Variants in ATRNL1 observed in about 807,000 individuals in gnomAD.
ATRNL1 encodes the protein attractin like 1.
ATRNL1 carries 95 observed loss-of-function variants against 182.7 expected under a neutral mutation model. The ratio of observed to expected loss-of-function variants is 0.52; its 90% CI spans 0.44 to 0.62. ATRNL1 has a LOEUF of 0.62. Ranked by LOEUF, ATRNL1 falls within the 20% of genes least tolerant of loss-of-function variation. ATRNL1 has a pLI of 0.00. For missense variants in ATRNL1, 1,471 were observed against 1,679.5 expected, an observed-to-expected ratio of 0.88 and a Z score of 2.17; for synonymous variants, 576 against 568.3, an observed-to-expected ratio of 1.01 and a Z score of -0.19.
chr10:115,156,512 A>T (rs1846525144), intron 5 of ATRNL1, among the ~76,000 whole-genome samples: 1 of 152,186 alleles, frequency 6.6e-6, no homozygotes, highest in Admixed American at 6.6e-5. Context: ...TTTGGGATAT[A>T]TCAGAGCACA....
intron 27 of ATRNL1, among the ~76,000 whole-genome samples, chr10:115,822,863 C>T (rs1228609406): frequency 6.6e-6 from 1 of 152,108 alleles, no homozygotes; most frequent in Non-Finnish European, 1.5e-5. Context: ...CAAAAAGGAG[C>T]TGGTACCATT....
At chr10:115,784,882 T>C (rs1555080070) in intron 27 of ATRNL1, among the ~76,000 whole-genome samples, 1 of 152,180 alleles carries the variant, frequency 6.6e-6, no homozygotes, top group East Asian at 1.9e-4. Flanking sequence ...ACATTTTGGG[T>C]GGACATGAAT....
chr10:115,306,813 A>G (rs540997453), intron 17 of ATRNL1, among the ~76,000 whole-genome samples: 1 of 152,216 alleles, frequency 6.6e-6, no homozygotes, highest in South Asian at 2.1e-4. Context: ...TTTATTTGAA[A>G]TAAGTTTTTT....
rs115522651 is a variant in ATRNL1 at position 115,302,034 on chromosome 10, A to G, written c.2809A>G (p.Thr937Ala). ...ACAATGTCTAGAGTGGCAAACTGCC[A>G]CCTGCTCCCGTAAGTATTTATCTAG... ...YGQCLEWQTATCSPQNCSGLR... is the reference protein window; with the variant it reads ...YGQCLEWQTAACSPQNCSGLR... The change falls in exon 17 of 29, where the codon ACC becomes GCC. Residue 937 changes from threonine to alanine, a missense_variant. By Grantham distance (58) the Thr-to-Ala change is moderately conservative. Coordinates refer to ENST00000355044, the MANE Select transcript of ATRNL1 (RefSeq NM_207303.4). 3.7e-6 allele frequency: 6 copies of G among 1,612,180 alleles called. No homozygotes were observed. Among genetic ancestry groups the G allele is most frequent in the Non-Finnish European group, 4.2e-6 (5 of 1,179,152 alleles).
At chr10:115,183,197 T>C (rs1476203022) in intron 8 of ATRNL1, among the ~76,000 whole-genome samples, 1 of 151,358 alleles carries the variant, frequency 6.6e-6, no homozygotes, top group Admixed American at 6.6e-5. Context: ...GCAACACATA[T>C]AAAGATTTAT....
intron 19 of ATRNL1, among the ~76,000 whole-genome samples, chr10:115,360,856 A>G (rs1856712438): frequency 6.6e-6 from 1 of 151,812 alleles, no homozygotes; most frequent in South Asian, 2.1e-4. Context: ...ATTTTTGTGT[A>G]TGGATAGAAT....
intron 28 of ATRNL1, among the ~76,000 whole-genome samples, chr10:115,904,833 G>T (rs930212713): frequency 4.6e-5 from 7 of 152,184 alleles, no homozygotes. Flanking sequence ...TCTGCAATCA[G>T]ATTCTCTTAT....
At chr10:115,156,946 G>A (rs535374974) in intron 5 of ATRNL1, among the ~76,000 whole-genome samples, 2 of 152,214 alleles carry the variant, frequency 1.3e-5, no homozygotes, top group African/African-American at 2.4e-5. Flanking sequence ...GGTTACCAGA[G>A]GCTGGGAAAG....
intron 26 of ATRNL1, among the ~76,000 whole-genome samples, chr10:115,570,087 G>T (rs1031926774): frequency 2.6e-5 from 4 of 152,126 alleles, no homozygotes; most frequent in African/African-American, 9.7e-5. Context: ...TCAGCCTCCT[G>T]AGTAGCTGGG....
intron 27 of ATRNL1, among the ~76,000 whole-genome samples, chr10:115,829,775 G>T (rs1013832483): frequency 2.2e-4 from 34 of 152,054 alleles, no homozygotes; most frequent in African/African-American, 8.0e-4. Flanking sequence ...ACACTAGATG[G>T]CCCTAGAAGA....
chr10:115,302,312 A>G (rs1210355119), intron 17 of ATRNL1, among the ~76,000 whole-genome samples: 2 of 152,208 alleles, frequency 1.3e-5, no homozygotes, highest in African/African-American at 4.8e-5. Flanking sequence ...TGCAGACAGT[A>G]TAACACTTCA....
intron 1 of ATRNL1, among the ~76,000 whole-genome samples, chr10:115,116,341 T>C (rs539343913): frequency 2.0e-5 from 3 of 152,224 alleles, no homozygotes; most frequent in African/African-American, 4.8e-5. Flanking sequence ...ATAGTAGTTA[T>C]GTAAGAGCCT....
At chr10:115,379,542 A>G (rs1248673602) in intron 19 of ATRNL1, among the ~76,000 whole-genome samples, 1 of 152,224 alleles carries the variant, frequency 6.6e-6, no homozygotes, top group Admixed American at 6.5e-5. Flanking sequence ...TTAAGATATT[A>G]ATATACATCG....
At chr10:115,548,728 G>C (rs1401780713) in intron 25 of ATRNL1, among the ~76,000 whole-genome samples, 2 of 152,166 alleles carry the variant, frequency 1.3e-5, no homozygotes, top group African/African-American at 4.8e-5. Context: ...TATGAACATT[G>C]TAACTGACTT....
intron 21 of ATRNL1, among the ~76,000 whole-genome samples, chr10:115,455,726 A>C (rs1197491192): frequency 6.6e-6 from 1 of 152,180 alleles, no homozygotes; most frequent in East Asian, 1.9e-4. Flanking sequence ...AAATTTTTGC[A>C]ATCTATCCAT....
At chr10:115,337,094 C>T (rs1188471335) in intron 19 of ATRNL1, among the ~76,000 whole-genome samples, 8 of 151,650 alleles carry the variant, frequency 5.3e-5, no homozygotes, top group African/African-American at 1.9e-4. Context: ...AACTCCTGAC[C>T]TCGTGATCTG....
At chr10:115,937,009 A>G (rs1555123016) in intron 28 of ATRNL1, among the ~76,000 whole-genome samples, 1 of 152,234 alleles carries the variant, frequency 6.6e-6, no homozygotes, top group African/African-American at 2.4e-5. Flanking sequence ...TTGAGTATGT[A>G]ATTAAAAATA....
At position 115,176,806 on chromosome 10, in the gene ATRNL1, T is replaced by A. The variant is rs559147622; in HGVS notation, c.1348+5514T>A. On this transcript the variant is annotated intron_variant, in intron 8 of 28. Transcript: ENST00000355044. ...TATGTTGCTATAGGTACTCTTTTTT[T>A]AAAAAAATTTATATTCTTTTTCTAA... Among the ~76,000 whole-genome samples, 363 of 152,266 alleles carry A rather than the reference T, an allele frequency of 2.4e-3. 2 individuals carry two copies. The highest frequency in any genetic ancestry group is 3.3e-3 in the Non-Finnish European group (227 of 68,008).
chr10:115,150,666 C>G (rs1472286344), intron 5 of ATRNL1, among the ~76,000 whole-genome samples: 1 of 151,768 alleles, frequency 6.6e-6, no homozygotes, highest in Non-Finnish European at 1.5e-5. Flanking sequence ...TCATTGATTT[C>G]TAGTTTTATT....
Sources: allele counts gnomAD v4.1 joint callset (sites outside exome capture counted in the v4.1 genomes callset), GRCh38; gene constraint gnomAD v4.1.1; transcripts MANE v1.5; gene names NCBI Gene and HGNC (gene_info 2026-07-23, HGNC 2026-07-21).